The following DUSP18 variants were observed in gnomAD, a reference collection of about 807,000 sequenced individuals.
The protein encoded by DUSP18 is dual specificity protein phosphatase 18.
Under a neutral mutation model 6.3 loss-of-function variants are expected in DUSP18, and 4 were observed. That is an observed-to-expected ratio of 0.63 (90% CI 0.31 to 1.45). The LOEUF (loss-of-function observed/expected upper bound fraction) is 1.45. Among genes scored for constraint, DUSP18 ranks in the 40% most tolerant of loss-of-function variants. DUSP18 has a pLI of 0.07. For missense variants in DUSP18, 235 were observed against 247.7 expected (o/e 0.95, Z 0.34); for synonymous variants, 96 against 95.1 (o/e 1.01, Z -0.05).
intron 2 of DUSP18, among the ~76,000 whole-genome samples, chr22:30,652,674 G>A (rs904327371): frequency 6.6e-6 from 1 of 152,222 alleles, no homozygotes; most frequent in East Asian, 1.9e-4. Flanking sequence ...CGTGGCTGTT[G>A]GCAGGAGGCC....
Position 30,654,492 on chromosome 22 carries a change from C to T in DUSP18, c.*34-2195G>A, listed in dbSNP as rs565310687. 4 of 432,126 alleles carry T rather than the reference C, an allele frequency of 9.3e-6. No homozygotes were observed. In the Admixed American group the frequency reaches 1.0e-4, roughly 11 times the overall value. 26.8% of individuals were successfully genotyped at this position (432,126 alleles called of 1,614,324 possible). ...TTTTCGTCATAGGGTGGTGGGATGC[C>T]GTTAAACACCTTGAGGCGGTCTTGG... is the stretch of plus-strand genomic sequence containing the variant. On this transcript the variant is annotated intron_variant, in intron 2 of 2. Coordinates refer to the DUSP18 transcript ENST00000404885.
intron 2 of DUSP18, among the ~76,000 whole-genome samples, chr22:30,656,090 C>G (rs1305419403): frequency 6.6e-6 from 1 of 152,038 alleles, no homozygotes; most frequent in Non-Finnish European, 1.5e-5. Context: ...CCTCCCACCT[C>G]AGCTTCCCAA....
Position 30,667,596 on chromosome 22 carries a change from C to T in DUSP18, c.-212G>A, listed in dbSNP as rs1238125448. 1 of 152,446 alleles carries T rather than the reference C, an allele frequency of 6.6e-6. No individual in the cohort carries two copies. The highest frequency in any genetic ancestry group is 1.5e-5 in the Non-Finnish European group (1 of 68,100). 9.4% of individuals were successfully genotyped at this position (152,446 alleles called of 1,614,324 possible). On this transcript the variant is annotated 5_prime_UTR_variant, in exon 1 of 2. An upstream start codon of the reference 5' UTR is lost. Transcript: ENST00000334679. ...CCCGCTGGCCTAACGCTTTGGTTTC[C>T]ATAGCAATGGGCTCGTCGCAGAAAG...
chr22:30,663,572 G>C lies in DUSP18; in HGVS notation c.432C>G (p.Asn144Lys). The change falls in exon 2 of 2, where the codon AAC becomes AAG. Residue 144 changes from asparagine to lysine, a missense_variant. Physicochemically the swap from Asn to Lys is moderately conservative, Grantham distance 94 (BLOSUM62 0). Transcript: ENST00000334679. ...GGATGAGCTGCTCCCAAAAGCCGCT[G>C]TTGGGTCGGATGATGGGCCGGCATG... ...TKSCRPIIRPNSGFWEQLIHY... is the reference protein window; with the variant it reads ...TKSCRPIIRPKSGFWEQLIHY... The C allele has an allele frequency of 6.2e-7, 1 of 1,614,266 alleles. No individual in the cohort carries two copies. Among genetic ancestry groups the C allele is most frequent in the East Asian group, 2.2e-5 (1 of 44,888 alleles).
intron 2 of DUSP18, among the ~76,000 whole-genome samples, chr22:30,655,341 C>T (rs1206877525): frequency 6.7e-6 from 1 of 149,226 alleles, no homozygotes; most frequent in Non-Finnish European, 1.5e-5. Flanking sequence ...CCTGTAGTCC[C>T]AGCTACTTGG....
downstream of DUSP18, among the ~76,000 whole-genome samples, chr22:30,660,366 C>T (rs537614206): frequency 9.2e-5 from 14 of 152,020 alleles, no homozygotes; most frequent in South Asian, 6.2e-4. Flanking sequence ...AGCAGAGGCA[C>T]GATCTTGGCT....
downstream of DUSP18, among the ~76,000 whole-genome samples, chr22:30,659,123 C>CAAAAA (rs35939188): frequency 1.9e-5 from 2 of 104,748 alleles, no homozygotes; most frequent in Admixed American, 2.0e-4. Context: ...GACTCCATCT[C>CAAAAA]AAAAAAAAAA....
exon 3 of DUSP18, chr22:30,652,214 G>C (rs990843983): frequency 6.6e-6 from 1 of 152,196 alleles, no homozygotes; most frequent in African/African-American, 2.4e-5. Flanking sequence ...CTAGTGCCCA[G>C]TCAGTTCCTG....
chr22:30,657,976 A>G (rs2088379728), downstream of DUSP18, among the ~76,000 whole-genome samples: 1 of 150,956 alleles, frequency 6.6e-6, no homozygotes. Flanking sequence ...TATGGTGTTG[A>G]GTACCTCTAG....
At chr22:30,660,663 G>T (rs2145603032), downstream of DUSP18, among the ~76,000 whole-genome samples, 1 of 152,198 alleles carries the variant, frequency 6.6e-6, no homozygotes, top group East Asian at 1.9e-4. Flanking sequence ...CTCTGATAAG[G>T]ATAACCGAAA....
In DUSP18 at chr22:30,663,479, A is replaced by G; in HGVS notation, c.525T>C (p.Pro175=). Residue 175 remains proline (P), a synonymous_variant, in exon 2 of 2, where the codon CCT becomes CCC. Coordinates refer to ENST00000334679, the MANE Select transcript of DUSP18 (RefSeq NM_152511.5). ...HMVSSPVGMI[P]DIYEKEVRLM... is the part of the protein sequence containing the mutation. ...AACGGACTTCCTTCTCATAGATGTC[A>G]GGGATCATTCCCACTGGGGAACTGA... 1.9e-6 allele frequency: 3 copies of G among 1,613,842 alleles called. No homozygotes were observed. Among genetic ancestry groups the G allele is most frequent in the Non-Finnish European group, 2.5e-6 (3 of 1,179,708 alleles).
Position 30,662,522 on chromosome 22 carries a change from C to G in DUSP18, c.*915G>C, listed in dbSNP as rs1460284113. 6.6e-6 allele frequency: 1 copy of G among 152,182 alleles called. No homozygotes were observed. 9.4% of individuals were successfully genotyped at this position (152,182 alleles called of 1,614,324 possible). A position where few individuals can be genotyped will look rare whatever the true frequency, so the allele number is the denominator to read the frequency against. On this transcript the variant is annotated 3_prime_UTR_variant, in exon 2 of 2. Transcript: ENST00000334679. ...TGAAACTTTGCCATGTACAATAGCA[C>G]TCACAATTTTTTTTAAATTTTTTAT... is the stretch of plus-strand genomic sequence containing the variant.
chr22:30,656,877 G>C (rs1318506066), downstream of DUSP18, among the ~76,000 whole-genome samples: 3 of 152,190 alleles, frequency 2.0e-5, no homozygotes, highest in Non-Finnish European at 4.4e-5. Flanking sequence ...CACTTTCGGA[G>C]GCTGAGGAGG....
Position 30,662,286 on chromosome 22 carries a change from A to C in DUSP18, c.*1151T>G, listed in dbSNP as rs1363650503. 3 of 152,252 alleles carry C rather than the reference A, an allele frequency of 2.0e-5. No homozygotes were observed. The highest frequency in any genetic ancestry group is 6.5e-5 in the Admixed American group (1 of 15,280). The allele number at this position is 152,252 out of a possible 1,614,324, so 9.4% of individuals were successfully genotyped here. On this transcript the variant is annotated 3_prime_UTR_variant, in exon 2 of 2. Coordinates refer to ENST00000334679, the MANE Select transcript of DUSP18 (RefSeq NM_152511.5). ...TGTGAGAAAAGGGCTGTCATTGGACAGATGAGGACACTGATGCTCCCAGGG... is the reference window on the plus strand; with the variant it reads ...TGTGAGAAAAGGGCTGTCATTGGACCGATGAGGACACTGATGCTCCCAGGG...
rs767397656 is a variant in DUSP18 at position 30,664,051 on chromosome 22, G to A, written c.-48C>T. 2.0e-5 allele frequency: 30 copies of A among 1,525,938 alleles called. No homozygotes were observed. The highest frequency in any genetic ancestry group is 2.3e-5 in the East Asian group (1 of 42,956). 94.5% of individuals were successfully genotyped at this position (1,525,938 alleles called of 1,614,324 possible). ...GCAGTCAGCGAAGCACGAAGGCTGC[G>A]TCTTTCTGCTAGGCTGTGTCCATGG... On this transcript the variant is annotated 5_prime_UTR_variant, in exon 2 of 2. In the 5' UTR this introduces an upstream ATG that the reference lacks. Coordinates refer to ENST00000334679, the MANE Select transcript of DUSP18 (RefSeq NM_152511.5).
chr22:30,664,137 G>T (rs2088571540), intron 1 of DUSP18, 57 bp from the exon 2 acceptor site: 2 of 778,584 alleles, frequency 2.6e-6, no homozygotes, highest in South Asian at 3.6e-5. Context: ...AATTCCAGGG[G>T]ATCCCTGGGA....
At chr22:30,657,948 T>C (rs1437281033), downstream of DUSP18, among the ~76,000 whole-genome samples, 1 of 143,294 alleles carries the variant, frequency 7.0e-6, no homozygotes, top group Non-Finnish European at 1.5e-5. Context: ...ATAATAATAA[T>C]AATAATGATT....
chr22:30,657,843 G>T (rs1281912859), downstream of DUSP18, among the ~76,000 whole-genome samples: 1 of 151,242 alleles, frequency 6.6e-6, no homozygotes, highest in Non-Finnish European at 1.5e-5. Context: ...GGCGGAGCTT[G>T]CAGTGAGCCA....
rs1463543589 is a variant in DUSP18 at position 30,667,533 on chromosome 22, T to C, written c.-149A>G. ...TTGGGGAAGCCTTAGGCAAGGTTCTTCGGGAGAGAGACCCGTCATGATCCC... is the reference window on the plus strand; with the variant it reads ...TTGGGGAAGCCTTAGGCAAGGTTCTCCGGGAGAGAGACCCGTCATGATCCC... On this transcript the variant is annotated 5_prime_UTR_variant, in exon 1 of 2. Coordinates refer to ENST00000334679, the MANE Select transcript of DUSP18 (RefSeq NM_152511.5). 1.3e-5 allele frequency: 2 copies of C among 152,248 alleles called. No individual in the cohort carries two copies. The highest frequency in any genetic ancestry group is 4.8e-5 in the African/African-American group (2 of 41,446). 9.4% of individuals were successfully genotyped at this position (152,248 alleles called of 1,614,324 possible).
Sources: allele counts gnomAD v4.1 joint callset (sites outside exome capture counted in the v4.1 genomes callset), GRCh38; gene constraint gnomAD v4.1.1; transcripts MANE v1.5; gene names NCBI Gene and HGNC (gene_info 2026-07-23, HGNC 2026-07-21).